The following PPP2R5E variants were observed in gnomAD, a reference collection of about 807,000 sequenced individuals.
The protein encoded by PPP2R5E is serine/threonine-protein phosphatase 2A 56 kDa regulatory subunit epsilon isoform.
Under a neutral mutation model 65.3 loss-of-function variants are expected in PPP2R5E, and 4 were observed. The ratio of observed to expected loss-of-function variants is 0.06; its 90% CI spans 0.03 to 0.14. PPP2R5E has a LOEUF of 0.14. Ranked by LOEUF, PPP2R5E falls within the 10% of genes least tolerant of loss-of-function variation. The pLI, the probability that PPP2R5E is intolerant of heterozygous loss-of-function variation, is 1.00. For synonymous variants in PPP2R5E, 183 were observed against 187.4 expected (o/e 0.98, Z 0.19); for missense variants, 274 against 556.1 (o/e 0.49, Z 5.10).
At chr14:63,443,113 A>T (rs1388336630) in intron 3 of PPP2R5E, among the ~76,000 whole-genome samples, 2 of 150,296 alleles carry the variant, frequency 1.3e-5, no homozygotes, top group East Asian at 1.9e-4. Context: ...AAGAATGTAT[A>T]AAAAAAAATA....
chr14:63,441,063 C>T (rs1888213051), intron 3 of PPP2R5E, among the ~76,000 whole-genome samples: 1 of 151,960 alleles, frequency 6.6e-6, no homozygotes, highest in African/African-American at 2.4e-5. Flanking sequence ...CTTCCTTTAC[C>T]TTATCTACAA....
At chr14:63,525,938 C>G (rs1399043789) in intron 2 of PPP2R5E, among the ~76,000 whole-genome samples, 1 of 152,170 alleles carries the variant, frequency 6.6e-6, no homozygotes, top group Non-Finnish European at 1.5e-5. Context: ...CTCACTGCAA[C>G]CTCCGCCGCA....
intron 2 of PPP2R5E, among the ~76,000 whole-genome samples, chr14:63,500,196 A>G (rs890400898): frequency 3.9e-5 from 6 of 152,202 alleles, no homozygotes; most frequent in Admixed American, 6.5e-5. Flanking sequence ...TGAGAAATAA[A>G]TGTGTTTTTA....
chr14:63,395,215 A>G lies in PPP2R5E; in HGVS notation c.740+11T>C. On this transcript the variant is annotated intron_variant, in intron 7 of 13. Transcript: ENST00000337537. Reference sequence around the variant, plus strand: ...TCATCTGAGATTAGCAATTAGAAAAACCGTGCTCACCTTCCTAATATTTCC... The same window carrying G: ...TCATCTGAGATTAGCAATTAGAAAAGCCGTGCTCACCTTCCTAATATTTCC... The G allele has an allele frequency of 6.2e-7, 1 of 1,603,568 alleles. No homozygotes were observed. Among genetic ancestry groups the G allele is most frequent in the Non-Finnish European group, 8.5e-7 (1 of 1,171,210 alleles).
chr14:63,530,151 A>G (rs1409978538), intron 2 of PPP2R5E, among the ~76,000 whole-genome samples: 1 of 152,028 alleles, frequency 6.6e-6, no homozygotes, highest in African/African-American at 2.4e-5. Context: ...AGGAGGGTCT[A>G]GAAACCCTGA....
chr14:63,405,488 C>T (rs1209685641), intron 5 of PPP2R5E, among the ~76,000 whole-genome samples: 2 of 152,188 alleles, frequency 1.3e-5, no homozygotes, highest in Non-Finnish European at 2.9e-5. Context: ...ATGATAATTA[C>T]AGTACCTTTC....
At chr14:63,507,132 T>C (rs1202307887) in intron 2 of PPP2R5E, among the ~76,000 whole-genome samples, 1 of 152,202 alleles carries the variant, frequency 6.6e-6, no homozygotes, top group Non-Finnish European at 1.5e-5. Context: ...AGGCCACTGC[T>C]GCAGGGGGCA....
chr14:63,460,831 G>A (rs17225266), intron 2 of PPP2R5E, among the ~76,000 whole-genome samples: 49,984 of 151,948 alleles, frequency 0.33, 10,950 homozygotes, highest in African/African-American at 0.62. Context: ...CAGGGCTTTC[G>A]TGTTATTTTG....
At chr14:63,422,653 G>C (rs1426962265) in intron 3 of PPP2R5E, among the ~76,000 whole-genome samples, 1 of 150,632 alleles carries the variant, frequency 6.6e-6, no homozygotes, top group African/African-American at 2.4e-5. Context: ...GTGAACCCCG[G>C]AGGACGGAGC....
chr14:63,539,413 T>C lies in PPP2R5E; in HGVS notation c.157+116A>G, dbSNP rs1190688100. ...CACACATTAGTAACTTCAATGTATGTGAAGTATCCCATCCCTTCAATTTGC... is the reference window on the plus strand; with the variant it reads ...CACACATTAGTAACTTCAATGTATGCGAAGTATCCCATCCCTTCAATTTGC... On this transcript the variant is annotated intron_variant, in intron 2 of 13. Coordinates refer to ENST00000337537, the MANE Select transcript of PPP2R5E (RefSeq NM_006246.5). 1.7e-5 allele frequency: 19 copies of C among 1,126,362 alleles called. No individual in the cohort carries two copies. The East Asian group carries it at 4.7e-4, about 28-fold the overall frequency. The allele number at this position is 1,126,362 out of a possible 1,614,324, so 69.8% of individuals were successfully genotyped here. A position where few individuals can be genotyped will look rare whatever the true frequency, so the allele number is the denominator to read the frequency against.
chr14:63,396,524 A>G, intron 6 of PPP2R5E, 62 bp downstream of exon 6: 1 of 1,575,146 alleles, frequency 6.3e-7, no homozygotes, highest in South Asian at 1.1e-5. Context: ...TTTGAGATTT[A>G]CTTAATACTC....
At chr14:63,389,009 C>G (rs1594816477) in intron 11 of PPP2R5E, among the ~76,000 whole-genome samples, 2 of 152,204 alleles carry the variant, frequency 1.3e-5, no homozygotes, top group South Asian at 2.1e-4. Flanking sequence ...CGAGTGGCCA[C>G]GAGGAGGCAG....
chr14:63,380,073 A>T (rs993231711), intron 13 of PPP2R5E, among the ~76,000 whole-genome samples: 1 of 151,340 alleles, frequency 6.6e-6, no homozygotes, highest in African/African-American at 2.4e-5. Context: ...ACCTCAGATG[A>T]CCCGCCCGCC....
chr14:63,376,151 T>C (rs189086172), intron 13 of PPP2R5E, 43 bp from the exon 14 acceptor site: 272 of 1,329,866 alleles, frequency 2.0e-4, no homozygotes, highest in Middle Eastern at 1.4e-3. Flanking sequence ...TGAGGTTTAA[T>C]GAGATTATGC....
rs10681833 is a variant in PPP2R5E, at chr14:63,391,401, CTTTGT to C, written c.954+411_954+415del. Among the ~76,000 whole-genome samples the C allele has an allele frequency of 5.3e-3, 763 of 143,270 alleles. 2 individuals carry two copies. The highest frequency in any genetic ancestry group is 8.2e-3 in the Admixed American group (113 of 13,812). 94.0% of individuals were successfully genotyped at this position (143,270 alleles called of 152,430 possible). A position where few individuals can be genotyped will look rare whatever the true frequency, so the allele number is the denominator to read the frequency against. On this transcript the variant is annotated intron_variant, in intron 10 of 13. Coordinates refer to ENST00000337537, the MANE Select transcript of PPP2R5E (RefSeq NM_006246.5). ...GTTTAAATGAGATGATGCAGTTTTGCTTTGTTTTGTTTTGTTTTGTTTTGTTTTGT... is the reference window on the plus strand; with the variant it reads ...GTTTAAATGAGATGATGCAGTTTTGCTTTGTTTTGTTTTGTTTTGTTTTGT...
intron 2 of PPP2R5E, among the ~76,000 whole-genome samples, chr14:63,523,695 G>A (rs1594970667): frequency 2.8e-5 from 3 of 107,238 alleles, no homozygotes; most frequent in South Asian, 2.7e-4. Context: ...AAACACCCAA[G>A]AATGATCAAA....
intron 5 of PPP2R5E, among the ~76,000 whole-genome samples, chr14:63,412,084 T>C (rs778452889): frequency 6.6e-6 from 1 of 152,106 alleles, no homozygotes; most frequent in South Asian, 2.1e-4. Context: ...GTGAATAAGG[T>C]AGATATGAAT....
At chr14:63,440,816 G>A (rs1888194913) in intron 3 of PPP2R5E, among the ~76,000 whole-genome samples, 1 of 151,382 alleles carries the variant, frequency 6.6e-6, no homozygotes, top group Admixed American at 6.6e-5. Flanking sequence ...GGGCGTGGTG[G>A]CAGGCACCTG....
At chr14:63,399,547 A>G (rs1181945158) in intron 5 of PPP2R5E, among the ~76,000 whole-genome samples, 1 of 151,838 alleles carries the variant, frequency 6.6e-6, no homozygotes, top group African/African-American at 2.4e-5. Context: ...ACATCCTGCA[A>G]TGATACTGTG....
Sources: gnomAD v4.1 joint callset for allele counts (sites outside exome capture counted in the v4.1 genomes callset) on GRCh38, gnomAD v4.1.1 for gene constraint, MANE v1.5 for transcripts, NCBI Gene and HGNC (gene_info 2026-07-23, HGNC 2026-07-21) for gene names.